Variants in PRKG1 observed in about 807,000 individuals in gnomAD.
The protein encoded by PRKG1 is cGMP-dependent protein kinase 1.
PRKG1 carries 35 observed loss-of-function variants against 88.1 expected under a neutral mutation model. The ratio of observed to expected loss-of-function variants is 0.40; its 90% CI spans 0.30 to 0.53. The LOEUF (loss-of-function observed/expected upper bound fraction) is 0.53, where lower values mean the gene tolerates loss of function less well. Among genes scored for constraint, PRKG1 ranks in the 20% least tolerant of loss-of-function variants. PRKG1 has a pLI of 0.59. For missense variants in PRKG1, 540 were observed against 839.8 expected (o/e 0.64, Z 4.41); for synonymous variants, 303 against 292.5 (o/e 1.04, Z -0.37).
intron 3 of PRKG1, among the ~76,000 whole-genome samples, chr10:51,500,187 G>A (rs1328961163): frequency 1.3e-5 from 2 of 152,116 alleles, no homozygotes; most frequent in Non-Finnish European, 2.9e-5. Flanking sequence ...CTTCATGTCA[G>A]AAATTAAATA....
At chr10:51,201,521 T>C (rs1837913124) in intron 2 of PRKG1, among the ~76,000 whole-genome samples, 1 of 152,218 alleles carries the variant, frequency 6.6e-6, no homozygotes, top group Non-Finnish European at 1.5e-5. Flanking sequence ...TATTTGTGTT[T>C]GTTCATTTAT....
intron 3 of PRKG1, among the ~76,000 whole-genome samples, chr10:51,738,815 A>G (rs1372167890): frequency 6.6e-6 from 1 of 152,224 alleles, no homozygotes; most frequent in Non-Finnish European, 1.5e-5. Flanking sequence ...TGATTCTGAT[A>G]ATTTTTCATG....
At chr10:51,371,280 T>C (rs906048259) in intron 2 of PRKG1, among the ~76,000 whole-genome samples, 2 of 152,062 alleles carry the variant, frequency 1.3e-5, no homozygotes, top group African/African-American at 4.8e-5. Flanking sequence ...CTCATGCCTA[T>C]GGTCCCAGCT....
intron 2 of PRKG1, among the ~76,000 whole-genome samples, chr10:51,456,250 A>G (rs1375812588): frequency 6.6e-6 from 1 of 152,146 alleles, no homozygotes; most frequent in African/African-American, 2.4e-5. Flanking sequence ...CCATGATTTA[A>G]TTATCTCCCA....
At chr10:50,997,253 C>T (rs1287013385) in intron 1 of PRKG1, among the ~76,000 whole-genome samples, 1 of 152,144 alleles carries the variant, frequency 6.6e-6, no homozygotes, top group Non-Finnish European at 1.5e-5. Flanking sequence ...ATTTAAGACA[C>T]ATTGATTTTG....
intron 4 of PRKG1, among the ~76,000 whole-genome samples, chr10:51,867,153 A>C (rs1841036328): frequency 1.3e-5 from 2 of 152,220 alleles, no homozygotes; most frequent in Non-Finnish European, 2.9e-5. Context: ...GCAGAGAAGT[A>C]GAATGCACAG....
intron 2 of PRKG1, among the ~76,000 whole-genome samples, chr10:51,419,041 A>G (rs1195614141): frequency 6.6e-6 from 1 of 152,154 alleles, no homozygotes; most frequent in African/African-American, 2.4e-5. Context: ...TGTTAATCCA[A>G]TAGGAAACCA....
At chr10:51,200,805 G>C (rs1837893754) in intron 2 of PRKG1, among the ~76,000 whole-genome samples, 1 of 152,138 alleles carries the variant, frequency 6.6e-6, no homozygotes, top group African/African-American at 2.4e-5. Context: ...GAAACACAAT[G>C]CCACTGATGG....
At chr10:51,194,903 C>G (rs1837723571) in intron 2 of PRKG1, among the ~76,000 whole-genome samples, 1 of 152,158 alleles carries the variant, frequency 6.6e-6, no homozygotes, top group Non-Finnish European at 1.5e-5. Context: ...AATGAAATCA[C>G]TCTCCAGATA....
intron 4 of PRKG1, among the ~76,000 whole-genome samples, chr10:51,819,567 T>C (rs1005976762): frequency 6.6e-6 from 1 of 152,214 alleles, no homozygotes; most frequent in African/African-American, 2.4e-5. Context: ...CTGCCATCCA[T>C]GCCAATTAGT....
rs1842785079 is a variant in PRKG1 at position 50,991,738 on chromosome 10, G to T, written c.266+94G>T. ...GCGGCGGCGGGGGCGGGTCGGCCCA[G>T]GGCGCCCCCTGCTCGCTGCGGCGCG... On this transcript the variant is annotated intron_variant, in intron 1 of 17. Transcript: ENST00000401604. This position sits in a 1 kb window ranked among gnomAD's most constrained non-coding sequence, Gnocchi z 4.5. The T allele has an allele frequency of 3.2e-5, 31 of 982,400 alleles. No homozygotes were observed. In the South Asian group the frequency reaches 7.6e-4, roughly 24 times the overall value. The allele number at this position is 982,400 out of a possible 1,614,324, so 60.9% of individuals were successfully genotyped here.
At chr10:51,373,537 T>TA (rs1439083496) in intron 2 of PRKG1, among the ~76,000 whole-genome samples, 6 of 152,172 alleles carry the variant, frequency 3.9e-5, no homozygotes, top group Non-Finnish European at 1.5e-5. Flanking sequence ...ATCAGCCTGT[T>TA]ACCTAGATAT....
At chr10:51,185,453 A>G (rs1837461023) in intron 2 of PRKG1, among the ~76,000 whole-genome samples, 2 of 152,012 alleles carry the variant, frequency 1.3e-5, no homozygotes, top group South Asian at 4.1e-4. Context: ...CTTAATTTTG[A>G]TGTTTTCTCT....
At chr10:51,519,471 T>A (rs983851299) in intron 3 of PRKG1, among the ~76,000 whole-genome samples, 2 of 152,112 alleles carry the variant, frequency 1.3e-5, no homozygotes, top group Non-Finnish European at 2.9e-5. Context: ...TCTTACATTT[T>A]GAGAAACACT....
chr10:52,170,713 G>A lies in PRKG1; in HGVS notation c.1076+8750G>A, dbSNP rs79242525. ...AGCCCTCCTGTTTACAAATTTATTT[G>A]CAAAGAAACATTTAAGACTGTCTGA... On this transcript the variant is annotated intron_variant, in intron 9 of 17. Transcript: ENST00000373980. Among the ~76,000 whole-genome samples, 717 of 152,176 alleles carry A rather than the reference G, an allele frequency of 4.7e-3. 11 individuals are homozygous for A. The East Asian group carries it at 0.071, about 15-fold the overall frequency.
At chr10:51,229,939 AAAAAAAAAAGAAAAAG>A (rs1384499624) in intron 2 of PRKG1, among the ~76,000 whole-genome samples, 1 of 145,278 alleles carries the variant, frequency 6.9e-6, no homozygotes, top group African/African-American at 2.5e-5. Flanking sequence ...AAAAAAAAAA[AAAAAAAAAAGAAAAAG>A]AAAAAAGAAA....
intron 7 of PRKG1, among the ~76,000 whole-genome samples, chr10:52,114,636 A>G (rs1847645052): frequency 6.6e-6 from 1 of 152,000 alleles, no homozygotes. Flanking sequence ...GGTTCTTCCA[A>G]TCATCAATGA....
At position 51,883,550 on chromosome 10, in the gene PRKG1, A is replaced by T. The variant is rs936574881; in HGVS notation, c.699-23957A>T. On this transcript the variant is annotated intron_variant, in intron 4 of 17. Coordinates refer to ENST00000373980, the MANE Select transcript of PRKG1 (RefSeq NM_006258.4). ...GATTTACCCATAGGTTAAGAAAGAC[A>T]TTTTTGCTTATGGTAAGAAATAAAT... Among the ~76,000 whole-genome samples the T allele has an allele frequency of 1.4e-4, 22 of 152,334 alleles. No individual in the cohort carries two copies. The East Asian group carries it at 4.2e-3, about 29-fold the overall frequency.
chr10:51,333,610 C>A (rs1841794875), intron 2 of PRKG1, among the ~76,000 whole-genome samples: 2 of 152,212 alleles, frequency 1.3e-5, no homozygotes, highest in Admixed American at 6.5e-5. Context: ...TCCATTTTCC[C>A]TGTTTATCCA....
Sources: allele counts gnomAD v4.1 joint callset (sites outside exome capture counted in the v4.1 genomes callset), GRCh38; gene constraint gnomAD v4.1.1; non-coding constraint Gnocchi (gnomAD v3.1); transcripts MANE v1.5; gene names NCBI Gene and HGNC (gene_info 2026-07-23, HGNC 2026-07-21).